Variants in PTCHD4 observed in about 807,000 individuals in gnomAD.
The protein encoded by PTCHD4 is patched domain-containing protein 4.
A neutral mutation model predicts 58.1 loss-of-function variants in PTCHD4; 33 were observed. The observed-to-expected ratio is 0.57, with a 90% CI of 0.43 to 0.76. PTCHD4 has a LOEUF of 0.76. Ranked by LOEUF, PTCHD4 falls within the 30% of genes least tolerant of loss-of-function variation. PTCHD4 has a pLI of 0.00. For missense variants in PTCHD4, 1,058 were observed against 1,027.1 expected, an observed-to-expected ratio of 1.03 and a Z score of -0.41; for synonymous variants, 478 against 409.6, an observed-to-expected ratio of 1.17 and a Z score of -2.02.
chr6:47,889,267 CCCA>C (rs1329155958), intron 4 of PTCHD4, among the ~76,000 whole-genome samples: 3 of 102,344 alleles, frequency 2.9e-5, no homozygotes, highest in African/African-American at 1.1e-4. Context: ...AGTTTACAGT[CCCA>C]CCAACAGTGT....
chr6:47,950,077 G>C (rs1766583211), intron 4 of PTCHD4, among the ~76,000 whole-genome samples: 1 of 130,066 alleles, frequency 7.7e-6, no homozygotes, highest in Non-Finnish European at 1.5e-5. Flanking sequence ...TCCCCTTCCT[G>C]TGTCCATGTG....
chr6:47,889,090 C>CT (rs1173391492), intron 4 of PTCHD4, among the ~76,000 whole-genome samples: 5 of 39,768 alleles, frequency 1.3e-4, no homozygotes, highest in African/African-American at 4.3e-4. Flanking sequence ...CAAGTCTTTG[C>CT]TATTGTGAAT....
chr6:47,908,954 T>C (rs1243785146), intron 4 of PTCHD4, among the ~76,000 whole-genome samples: 1 of 152,192 alleles, frequency 6.6e-6, no homozygotes, highest in Non-Finnish European at 1.5e-5. Context: ...CACAACGCTT[T>C]GCTCATTTAA....
intron 4 of PTCHD4, among the ~76,000 whole-genome samples, chr6:47,927,189 G>A (rs968948661): frequency 3.3e-5 from 5 of 152,194 alleles, no homozygotes; most frequent in African/African-American, 1.2e-4. Flanking sequence ...ATGCTTATGT[G>A]CCCTCTATCC....
chr6:48,044,006 A>G (rs1377150168), intron 3 of PTCHD4, among the ~76,000 whole-genome samples: 1 of 151,876 alleles, frequency 6.6e-6, no homozygotes, highest in Admixed American at 6.6e-5. Context: ...GAATAAGAAT[A>G]GGAACCTTGT....
chr6:48,075,482 G>A (rs1765046969), intron 1 of PTCHD4, among the ~76,000 whole-genome samples: 1 of 141,962 alleles, frequency 7.0e-6, no homozygotes, highest in Non-Finnish European at 1.5e-5. Flanking sequence ...TCACTTAACT[G>A]CTTAACCACT....
chr6:48,085,828 G>A (rs1454273426), intron 1 of PTCHD4, among the ~76,000 whole-genome samples: 1 of 152,068 alleles, frequency 6.6e-6, no homozygotes, highest in Non-Finnish European at 1.5e-5. Flanking sequence ...GTTTATCTAT[G>A]AGTTAGGGAT....
At chr6:48,018,346 T>C (rs1762938063) in intron 3 of PTCHD4, among the ~76,000 whole-genome samples, 1 of 152,196 alleles carries the variant, frequency 6.6e-6, no homozygotes, top group Non-Finnish European at 1.5e-5. Context: ...TAATGATTCA[T>C]TGGTGGTAAA....
rs565603273 is a variant in PTCHD4, at chr6:47,977,068, G to C, written c.898+31566C>G. On this transcript the variant is annotated intron_variant, in intron 4 of 4. Transcript: ENST00000339488. ...GGAGTTTATCATAAGGGAATAATTA[G>C]AGAGGTGAGTAAAACTGTATGCTCA... 7.9e-5 allele frequency among the ~76,000 whole-genome samples: 12 copies of C among 152,234 alleles called. No individual in the cohort carries two copies. The South Asian group carries it at 2.5e-3, about 32-fold the overall frequency.
At chr6:47,993,382 G>A (rs12374650) in intron 4 of PTCHD4, among the ~76,000 whole-genome samples, 1 of 152,050 alleles carries the variant, frequency 6.6e-6, no homozygotes, top group Non-Finnish European at 1.5e-5. Context: ...ATAAAAATTA[G>A]TCTACACAGG....
chr6:47,996,207 C>T (rs1287453622), intron 4 of PTCHD4, among the ~76,000 whole-genome samples: 1 of 152,090 alleles, frequency 6.6e-6, no homozygotes, highest in African/African-American at 2.4e-5. Flanking sequence ...GTGGCTCATG[C>T]CTGTAATCCC....
chr6:48,033,485 C>T (rs757851985), intron 3 of PTCHD4, among the ~76,000 whole-genome samples: 2 of 151,228 alleles, frequency 1.3e-5, no homozygotes, highest in African/African-American at 2.4e-5. Context: ...CTAGTGAGAC[C>T]GGCCTTCCCC....
intron 4 of PTCHD4, among the ~76,000 whole-genome samples, chr6:47,914,985 A>G (rs1162889019): frequency 6.6e-6 from 1 of 152,126 alleles, no homozygotes; most frequent in Non-Finnish European, 1.5e-5. Context: ...AAATTTCTCC[A>G]AAGCTACTTC....
At chr6:47,964,400 A>C (rs1767208335) in intron 4 of PTCHD4, among the ~76,000 whole-genome samples, 1 of 152,118 alleles carries the variant, frequency 6.6e-6, no homozygotes, top group African/African-American at 2.4e-5. Context: ...AAGACTGGAG[A>C]ATCACATATA....
intron 3 of PTCHD4, among the ~76,000 whole-genome samples, chr6:48,040,900 C>G (rs1028588003): frequency 6.6e-6 from 1 of 151,974 alleles, no homozygotes; most frequent in Non-Finnish European, 1.5e-5. Context: ...CGTAAAATCT[C>G]ATTTTGGTGA....
intron 4 of PTCHD4, among the ~76,000 whole-genome samples, chr6:47,981,666 G>T (rs1767887363): frequency 6.6e-6 from 1 of 152,184 alleles, no homozygotes; most frequent in South Asian, 2.1e-4. Context: ...GTAGCTGTTT[G>T]CTGAACCCTC....
At chr6:47,996,350 C>T (rs1768486560) in intron 4 of PTCHD4, among the ~76,000 whole-genome samples, 1 of 152,080 alleles carries the variant, frequency 6.6e-6, no homozygotes, top group Non-Finnish European at 1.5e-5. Flanking sequence ...TGTTGCATGC[C>T]TGTAATCTTA....
intron 4 of PTCHD4, among the ~76,000 whole-genome samples, chr6:47,964,551 T>C (rs1052979520): frequency 6.6e-6 from 1 of 152,150 alleles, no homozygotes; most frequent in African/African-American, 2.4e-5. Flanking sequence ...CTGACGATAA[T>C]ATATTAAATG....
At position 47,863,915 on chromosome 6, in the gene PTCHD4, G is replaced by C. The variant is rs1763491482; in HGVS notation, c.*14388C>G. On this transcript the variant is annotated 3_prime_UTR_variant, in exon 5 of 5. Coordinates refer to ENST00000339488, the MANE Select transcript of PTCHD4 (RefSeq NM_001384253.1). Reference sequence around the variant, plus strand: ...GGTAGACTTGTCAGATATGGCCTTAGTTCAGGTAATTTCTTTTCTTCAAAC... The same window carrying C: ...GGTAGACTTGTCAGATATGGCCTTACTTCAGGTAATTTCTTTTCTTCAAAC... Among the ~76,000 whole-genome samples, 1 of 151,994 alleles carries C rather than the reference G, an allele frequency of 6.6e-6. No homozygotes were observed. Among genetic ancestry groups the C allele is most frequent in the Admixed American group, 6.6e-5 (1 of 15,246 alleles).
Sources: gnomAD v4.1 joint callset for allele counts (sites outside exome capture counted in the v4.1 genomes callset) on GRCh38, gnomAD v4.1.1 for gene constraint, MANE v1.5 for transcripts, NCBI Gene and HGNC (gene_info 2026-07-23, HGNC 2026-07-21) for gene names.